Variants in RNLS observed in about 807,000 individuals in gnomAD.
RNLS encodes the protein renalase, FAD dependent amine oxidase.
In RNLS, 39 loss-of-function variants were observed where a neutral mutation model predicts 39.8. The observed-to-expected ratio is 0.98, with a 90% CI of 0.76 to 1.28. The LOEUF is 1.28. Ranked by LOEUF, RNLS falls within the 50% of genes most tolerant of loss-of-function variation. The pLI is 0.00. For synonymous variants in RNLS, 147 were observed against 150.7 expected (o/e 0.98, Z 0.18); for missense variants, 410 against 413.3 (o/e 0.99, Z 0.07).
In RNLS at chr10:88,564,809, G is replaced by A. The variant is rs1167756943; in HGVS notation, c.526+8094C>T. Among the ~76,000 whole-genome samples the A allele has an allele frequency of 5.3e-5, 8 of 152,178 alleles. No individual in the cohort carries two copies. In the East Asian group the frequency reaches 1.5e-3, roughly 29 times the overall value. The stretch of plus-strand genomic sequence containing the variant: ...GTTTCTCTATTCTCCCAGCTGGGAG[G>A]AAGTTTAATAAATGTAATAAATAAT... On this transcript the variant is annotated intron_variant, in intron 4 of 6. Coordinates refer to ENST00000331772, the MANE Select transcript of RNLS (RefSeq NM_001031709.3).
chr10:88,537,554 A>C (rs1346947179), intron 4 of RNLS, among the ~76,000 whole-genome samples: 1 of 152,200 alleles, frequency 6.6e-6, no homozygotes, highest in Non-Finnish European at 1.5e-5. Flanking sequence ...GTGTAACATT[A>C]AGAGATTACT....
rs146774574 is a variant in RNLS, at chr10:88,315,108, C to T, written c.701-467G>A. On this transcript the variant is annotated intron_variant, in intron 5 of 6. Transcript: ENST00000331772. ...GTTGAAATATATTTTGTTGAAATTA[C>T]ACAAATGTCAGAACAAAAAGAAACC... Among the ~76,000 whole-genome samples, 345 of 152,250 alleles carry T rather than the reference C, an allele frequency of 2.3e-3. 1 individual carries two copies. Among genetic ancestry groups the T allele is most frequent in the African/African-American group, 7.9e-3 (330 of 41,540 alleles).
At chr10:88,466,528 G>A (rs1218215843) in intron 4 of RNLS, among the ~76,000 whole-genome samples, 1 of 152,120 alleles carries the variant, frequency 6.6e-6, no homozygotes, top group Non-Finnish European at 1.5e-5. Context: ...CACAAATTGT[G>A]AATGGGCTTC....
chr10:88,454,351 G>A (rs1564812266), intron 4 of RNLS, among the ~76,000 whole-genome samples: 1 of 152,214 alleles, frequency 6.6e-6, no homozygotes, highest in Non-Finnish European at 1.5e-5. Context: ...GATCAATTTT[G>A]TATGTAGATC....
intron 6 of RNLS, among the ~76,000 whole-genome samples, chr10:88,276,629 C>T (rs774736692): frequency 6.6e-6 from 1 of 152,044 alleles, no homozygotes; most frequent in African/African-American, 2.4e-5. Context: ...TGTATCAATT[C>T]CTGAATCAAC....
intron 4 of RNLS, among the ~76,000 whole-genome samples, chr10:88,503,651 G>A (rs1281654663): frequency 6.6e-6 from 1 of 152,192 alleles, no homozygotes; most frequent in Non-Finnish European, 1.5e-5. Context: ...TAGCACAGGT[G>A]CTATCATACA....
chr10:88,364,776 A>G (rs1173647343), intron 4 of RNLS, among the ~76,000 whole-genome samples: 1 of 152,120 alleles, frequency 6.6e-6, no homozygotes, highest in African/African-American at 2.4e-5. Context: ...TGAATTTGGA[A>G]CTTCATTTTT....
chr10:88,252,777 G>A, the RNLS span, among the ~76,000 whole-genome samples: 4 of 152,106 alleles, frequency 2.6e-5, no homozygotes, highest in East Asian at 3.8e-4. Context: ...TCACACTACC[G>A]GGCACATAGT....
At chr10:88,175,108 C>T in the RNLS span, among the ~76,000 whole-genome samples, 2 of 151,948 alleles carry the variant, frequency 1.3e-5, no homozygotes, top group African/African-American at 2.4e-5. Context: ...GTAATGTCTC[C>T]TTTTTCATTT....
At chr10:88,564,764 G>T (rs567112545) in intron 4 of RNLS, among the ~76,000 whole-genome samples, 1 of 152,096 alleles carries the variant, frequency 6.6e-6, no homozygotes, top group Non-Finnish European at 1.5e-5. Flanking sequence ...TCATAAGAGG[G>T]TCACAATATG....
intron 4 of RNLS, among the ~76,000 whole-genome samples, chr10:88,424,192 A>T (rs373821448): frequency 6.6e-6 from 1 of 152,196 alleles, no homozygotes; most frequent in African/African-American, 2.4e-5. Flanking sequence ...TTCCACCAAC[A>T]TGCATAATAG....
the RNLS span, among the ~76,000 whole-genome samples, chr10:88,263,301 G>A: frequency 6.6e-6 from 1 of 151,992 alleles, no homozygotes; most frequent in Non-Finnish European, 1.5e-5. Context: ...GGGGGCATGT[G>A]GGATCTCTGA....
intron 4 of RNLS, among the ~76,000 whole-genome samples, chr10:88,396,949 T>A (rs1459767405): frequency 6.6e-6 from 1 of 151,890 alleles, no homozygotes; most frequent in Non-Finnish European, 1.5e-5. Context: ...TACACAAATG[T>A]GCACCAAACA....
chr10:88,475,450 C>A (rs544919515), intron 4 of RNLS, among the ~76,000 whole-genome samples: 1 of 152,316 alleles, frequency 6.6e-6, no homozygotes, highest in East Asian at 1.9e-4. Context: ...ATTTAAGGAA[C>A]ACTTTTTCAT....
chr10:88,340,637 T>C (rs1318670986), intron 5 of RNLS, among the ~76,000 whole-genome samples: 1 of 152,148 alleles, frequency 6.6e-6, no homozygotes, highest in African/African-American at 2.4e-5. Context: ...CTTTAAAATA[T>C]ATATACTCCA....
rs184094157 is a variant in RNLS, at chr10:88,353,764, C to A, written c.700+8788G>T. On this transcript the variant is annotated intron_variant, in intron 5 of 6. Coordinates refer to ENST00000331772, the MANE Select transcript of RNLS (RefSeq NM_001031709.3). ...GATCTGAATTCAATTCCTGGATATC[C>A]TTGTTAAGTTTCTGTCTCGTTGATC... is the stretch of plus-strand genomic sequence containing the variant. Among the ~76,000 whole-genome samples, 5 of 152,192 alleles carry A rather than the reference C, an allele frequency of 3.3e-5. No homozygotes were observed. The East Asian group carries it at 7.7e-4, about 23-fold the overall frequency.
chr10:88,568,065 C>T (rs1440101668), intron 4 of RNLS, among the ~76,000 whole-genome samples: 1 of 152,160 alleles, frequency 6.6e-6, no homozygotes. Context: ...AATTCAATGA[C>T]TTGACGGGCC....
At chr10:88,370,679 C>T (rs1850486275) in intron 4 of RNLS, among the ~76,000 whole-genome samples, 1 of 152,154 alleles carries the variant, frequency 6.6e-6, no homozygotes, top group African/African-American at 2.4e-5. Context: ...TGTGGGTACA[C>T]AAGGACAATA....
intron 4 of RNLS, among the ~76,000 whole-genome samples, chr10:88,529,507 G>A (rs1338776095): frequency 6.6e-6 from 1 of 152,094 alleles, no homozygotes; most frequent in Non-Finnish European, 1.5e-5. Flanking sequence ...GAAAAGGATT[G>A]TTATTTATTG....
Sources: allele counts gnomAD v4.1 joint callset (sites outside exome capture counted in the v4.1 genomes callset), GRCh38; gene constraint gnomAD v4.1.1; transcripts MANE v1.5; gene names NCBI Gene and HGNC (gene_info 2026-07-23, HGNC 2026-07-21).